Variants in C1orf198 observed in about 807,000 individuals in gnomAD.
C1orf198 encodes the protein uncharacterized protein C1orf198.
C1orf198 carries 17 observed loss-of-function variants against 31.4 expected under a neutral mutation model. That is an observed-to-expected ratio of 0.54 (90% CI 0.37 to 0.81). The LOEUF (loss-of-function observed/expected upper bound fraction) is 0.81, where lower values mean the gene tolerates loss of function less well. Ranked by LOEUF, C1orf198 falls within the 40% of genes least tolerant of loss-of-function variation. The pLI, the probability that C1orf198 is intolerant of heterozygous loss-of-function variation, is 0.00. For missense variants in C1orf198, 401 were observed against 450.3 expected (o/e 0.89, Z 0.99); for synonymous variants, 175 against 193.8 (o/e 0.90, Z 0.81).
rs77402050 is a variant in C1orf198, at chr1:230,863,495, T to A, written c.333+4685A>T. On this transcript the variant is annotated intron_variant, in intron 1 of 3. Transcript: ENST00000366663. ...TGACTCTTATCAATTAAAAGATGAC[T>A]CCACACCTGTCGCCATGCTTCCTGC... Among the ~76,000 whole-genome samples the A allele has an allele frequency of 7.6e-3, 1,151 of 152,334 alleles. 18 individuals are homozygous for A. The highest frequency in any genetic ancestry group is 0.072 in the East Asian group (373 of 5,184).
Position 230,854,967 on chromosome 1 carries a change from G to A in C1orf198, c.384+701C>T, listed in dbSNP as rs79537315. On this transcript the variant is annotated intron_variant, in intron 2 of 3. Coordinates refer to ENST00000366663, the MANE Select transcript of C1orf198 (RefSeq NM_032800.3). ...TCTGTCTGTAACACACTCTCATGAC[G>A]TAAAGAACCCTCCAACACACATCAC... Among the ~76,000 whole-genome samples, 723 of 152,260 alleles carry A rather than the reference G, an allele frequency of 4.7e-3. 10 individuals are homozygous for A. The highest frequency in any genetic ancestry group is 0.017 in the African/African-American group (692 of 41,538).
chr1:230,857,426 C>T lies in C1orf198; in HGVS notation c.334-1708G>A, dbSNP rs576183874. ...AGGTTGATTTTCCCCCACAATCACC[C>T]GCTCCCAACACTCACACTCCCCCAA... On this transcript the variant is annotated intron_variant, in intron 1 of 3. Transcript: ENST00000366663. This position sits in a 1 kb window ranked among gnomAD's most constrained non-coding sequence, Gnocchi z 4.2. Among the ~76,000 whole-genome samples, 62 of 152,288 alleles carry T rather than the reference C, an allele frequency of 4.1e-4. No homozygotes were observed. Among genetic ancestry groups the T allele is most frequent in the African/African-American group, 1.3e-3 (54 of 41,556 alleles).
intron 2 of C1orf198, among the ~76,000 whole-genome samples, chr1:230,847,027 C>A (rs1452119184): frequency 6.9e-6 from 1 of 145,044 alleles, no homozygotes; most frequent in East Asian, 2.2e-4. Flanking sequence ...GGCGTGAACC[C>A]GGGAGGCGAA....
At chr1:230,858,847 C>T (rs1999903) in intron 1 of C1orf198, among the ~76,000 whole-genome samples, 18,271 of 152,208 alleles carry the variant, frequency 0.12, 1,331 homozygotes, top group South Asian at 0.21. Context: ...CTCTGAGGAA[C>T]GAAGACTTAG....
In C1orf198 at chr1:230,843,518, G is replaced by A. The variant is rs1669504983; in HGVS notation, c.763C>T (p.Leu255Phe). Residue 255 changes from leucine (L) to phenylalanine (F), a missense_variant, in exon 3 of 4, where the codon CTT becomes TTT. Transcript: ENST00000366663. The surrounding 1 kb of genome is among the most constrained non-coding windows in gnomAD (Gnocchi z 4.9). ...TCACGTTCGGTGCTCACGTTGGGAA[G>A]AGGACGCTGCTCCTGACGGAGGGTG... ...PSTLRQEQRPLPNVSTERERP... is the reference protein window; with the variant it reads ...PSTLRQEQRPFPNVSTERERP... The A allele has an allele frequency of 6.2e-7, 1 of 1,612,254 alleles. No homozygotes were observed. Among genetic ancestry groups the A allele is most frequent in the Non-Finnish European group, 8.5e-7 (1 of 1,178,868 alleles).
Position 230,843,832 on chromosome 1 carries a change from C to G in C1orf198, c.449G>C (p.Ser150Thr). The part of the protein sequence containing the change: ...IQEPSNGTAA[S>T]EPRPLSKASQ... ...AGCTTTGGACAGTGGTCTGGGCTCG[C>G]TGGCGGCGGTGCCGTTGCTCGGCTC... Residue 150 changes from serine to threonine, a missense_variant, in exon 3 of 4, where the codon AGC becomes ACC. By Grantham distance (58) the Ser-to-Thr change is moderately conservative (BLOSUM62 1). Coordinates refer to ENST00000366663, the MANE Select transcript of C1orf198 (RefSeq NM_032800.3). The surrounding 1 kb of genome is among the most constrained non-coding windows in gnomAD (Gnocchi z 4.9). 2 of 1,558,614 alleles carry G rather than the reference C, an allele frequency of 1.3e-6. No individual in the cohort carries two copies. The highest frequency in any genetic ancestry group is 1.7e-6 in the Non-Finnish European group (2 of 1,154,252).
At chr1:230,845,048 C>T (rs920423145) in intron 2 of C1orf198, among the ~76,000 whole-genome samples, 5 of 152,080 alleles carry the variant, frequency 3.3e-5, no homozygotes, top group African/African-American at 4.8e-5. Context: ...TTTCTACTCC[C>T]TCATATTTCC....
Position 230,855,977 on chromosome 1 carries a change from A to C in C1orf198, c.334-259T>G. 16 of 1,271,484 alleles carry C rather than the reference A, an allele frequency of 1.3e-5. No individual in the cohort carries two copies. The East Asian group carries it at 1.3e-4, about 10-fold the overall frequency. The allele number at this position is 1,271,484 out of a possible 1,614,324, so 78.8% of individuals were successfully genotyped here. On this transcript the variant is annotated intron_variant, in intron 1 of 3. Transcript: ENST00000366663. ...CAGGGAATGCCGGTGAGGCCCCCCA[A>C]TGGACTCAGACAGATGAGATGAGTA... is the stretch of plus-strand genomic sequence containing the variant.
At chr1:230,862,165 G>A (rs1670018490) in intron 1 of C1orf198, among the ~76,000 whole-genome samples, 1 of 152,134 alleles carries the variant, frequency 6.6e-6, no homozygotes, top group South Asian at 2.1e-4. Context: ...AGATGCCAGA[G>A]CCTGTCCTGT....
In C1orf198 at chr1:230,864,255, GC is replaced by G. The variant is rs760709934; in HGVS notation, c.333+3924del. On this transcript the variant is annotated intron_variant, in intron 1 of 3. Transcript: ENST00000366663. ...AGAAAGCAAACCTCTAGGCTGGCCAGCACACAGGCCCCTAGGTTTGCAGAAA... is the reference window on the plus strand; with the variant it reads ...AGAAAGCAAACCTCTAGGCTGGCCAGACACAGGCCCCTAGGTTTGCAGAAA... 3.1e-3 allele frequency among the ~76,000 whole-genome samples: 471 copies of G among 152,320 alleles called. 1 individual carries two copies. Among genetic ancestry groups the G allele is most frequent in the Non-Finnish European group, 5.5e-3 (371 of 68,034 alleles).
intron 2 of C1orf198, among the ~76,000 whole-genome samples, chr1:230,852,403 T>G (rs1200097570): frequency 2.0e-5 from 3 of 151,528 alleles, no homozygotes; most frequent in Admixed American, 6.6e-5. Flanking sequence ...CTAGTGAGAG[T>G]GGGGGGCAGT....
chr1:230,866,238 C>T (rs1003745349), intron 1 of C1orf198, among the ~76,000 whole-genome samples: 7 of 152,190 alleles, frequency 4.6e-5, no homozygotes, highest in African/African-American at 1.2e-4. Flanking sequence ...TATTAACCTA[C>T]GCAGACACTG....
chr1:230,843,992 G>C lies in C1orf198; in HGVS notation c.385-96C>G. ...GCTCACGCACCCCTCCTCAGCATAA[G>C]GACGCACACCAGCCACACACGAGTT... On this transcript the variant is annotated intron_variant, in intron 2 of 3. Coordinates refer to ENST00000366663, the MANE Select transcript of C1orf198 (RefSeq NM_032800.3). This position sits in a 1 kb window ranked among gnomAD's most constrained non-coding sequence, Gnocchi z 4.9. 1 of 1,267,614 alleles carries C rather than the reference G, an allele frequency of 7.9e-7. No individual in the cohort carries two copies. The highest frequency in any genetic ancestry group is 1.1e-6 in the Non-Finnish European group (1 of 930,190). 78.5% of individuals were successfully genotyped at this position (1,267,614 alleles called of 1,614,324 possible).
At chr1:230,861,575 TA>T (rs1256041474) in intron 1 of C1orf198, among the ~76,000 whole-genome samples, 3 of 151,946 alleles carry the variant, frequency 2.0e-5, no homozygotes, top group Non-Finnish European at 4.4e-5. Context: ...CATGGTGGAG[TA>T]TCTGGTCATG....
chr1:230,850,844 T>A (rs1669722260), intron 2 of C1orf198, among the ~76,000 whole-genome samples: 1 of 151,918 alleles, frequency 6.6e-6, no homozygotes, highest in Admixed American at 6.6e-5. Flanking sequence ...CAATGAATCC[T>A]CTATGTCCAG....
intron 2 of C1orf198, among the ~76,000 whole-genome samples, chr1:230,846,790 G>A (rs1335169240): frequency 6.6e-6 from 1 of 152,096 alleles, no homozygotes; most frequent in African/African-American, 2.4e-5. Flanking sequence ...GTGAAACCCC[G>A]TCTCTACTAA....
chr1:230,859,876 C>T (rs1005276915), intron 1 of C1orf198, among the ~76,000 whole-genome samples: 1 of 152,104 alleles, frequency 6.6e-6, no homozygotes, highest in African/African-American at 2.4e-5. Flanking sequence ...TGCTGGAATA[C>T]ATGTTTGCAT....
At chr1:230,846,776 C>G (rs966055982) in intron 2 of C1orf198, among the ~76,000 whole-genome samples, 1 of 151,616 alleles carries the variant, frequency 6.6e-6, no homozygotes, top group Non-Finnish European at 1.5e-5. Flanking sequence ...GTCTGACCAA[C>G]GTGGTGAAAC....
chr1:230,860,624 T>C lies in C1orf198; in HGVS notation c.334-4906A>G, dbSNP rs531410615. ...AAGCCAGACACAAGGATAAAAATCATGTGATTCCACTTATATAAGGTACCT... is the reference window on the plus strand; with the variant it reads ...AAGCCAGACACAAGGATAAAAATCACGTGATTCCACTTATATAAGGTACCT... On this transcript the variant is annotated intron_variant, in intron 1 of 3. Coordinates refer to ENST00000366663, the MANE Select transcript of C1orf198 (RefSeq NM_032800.3). 6.6e-5 allele frequency among the ~76,000 whole-genome samples: 10 copies of C among 152,306 alleles called. No individual in the cohort carries two copies. The South Asian group carries it at 1.0e-3, about 16-fold the overall frequency.
Sources: allele counts gnomAD v4.1 joint callset (sites outside exome capture counted in the v4.1 genomes callset), GRCh38; gene constraint gnomAD v4.1.1; non-coding constraint Gnocchi (gnomAD v3.1); transcripts MANE v1.5; gene names NCBI Gene and HGNC (gene_info 2026-07-23, HGNC 2026-07-21).